MAF: variants seen among roughly 807,000 people sequenced by gnomAD.
MAF encodes MAF bZIP transcription factor.
In MAF, 10 loss-of-function variants were observed where a neutral mutation model predicts 22.0. The ratio of observed to expected loss-of-function variants is 0.45; its 90% CI spans 0.28 to 0.77. The LOEUF (loss-of-function observed/expected upper bound fraction) is 0.77, where lower values mean the gene tolerates loss of function less well. Ranked by LOEUF, MAF falls within the 30% of genes least tolerant of loss-of-function variation. The probability of loss-of-function intolerance (pLI) is 0.12; values close to 1 mark genes in which losing one functional copy is unlikely to be tolerated. For synonymous variants in MAF, 337 were observed against 255.8 expected, an observed-to-expected ratio of 1.32 and a Z score of -3.03; for missense variants, 544 against 548.4, an observed-to-expected ratio of 0.99 and a Z score of 0.08.
At chr16:79,220,901 T>G in the MAF span, among the ~76,000 whole-genome samples, 1 of 152,222 alleles carries the variant, frequency 6.6e-6, no homozygotes, top group Non-Finnish European at 1.5e-5. Flanking sequence ...CATGCAGCAC[T>G]GTTAACCTTA....
At chr16:79,498,271 T>G in the MAF span, among the ~76,000 whole-genome samples, 2 of 152,202 alleles carry the variant, frequency 1.3e-5, no homozygotes, top group African/African-American at 2.4e-5. Flanking sequence ...TTGCAACTTC[T>G]CGGCTCTGGT....
the MAF span, among the ~76,000 whole-genome samples, chr16:79,418,471 T>G: frequency 6.6e-6 from 1 of 152,066 alleles, no homozygotes; most frequent in African/African-American, 2.4e-5. Context: ...ATTTCCTAAT[T>G]AGTGCGCTGG....
At chr16:79,335,621 A>G in the MAF span, among the ~76,000 whole-genome samples, 6 of 151,940 alleles carry the variant, frequency 3.9e-5, no homozygotes, top group Non-Finnish European at 8.8e-5. Context: ...GCAGGCAGGG[A>G]CCCCCAAGGG....
the MAF span, among the ~76,000 whole-genome samples, chr16:79,495,046 C>A: frequency 9.2e-5 from 14 of 152,254 alleles, no homozygotes; most frequent in South Asian, 2.5e-3. Context: ...CGTGTCACCC[C>A]CCCAGACACC....
At chr16:79,369,174 G>A in the MAF span, among the ~76,000 whole-genome samples, 3 of 152,226 alleles carry the variant, frequency 2.0e-5, no homozygotes, top group South Asian at 2.1e-4. Flanking sequence ...AGTTAGAGAA[G>A]TTAGTTGCCC....
At chr16:79,526,102 C>T in the MAF span, among the ~76,000 whole-genome samples, 2 of 152,144 alleles carry the variant, frequency 1.3e-5, no homozygotes, top group Admixed American at 6.5e-5. Flanking sequence ...ATCTTCCTGC[C>T]TCTTGTTTCA....
At chr16:79,558,147 G>A in the MAF span, among the ~76,000 whole-genome samples, 2 of 150,822 alleles carry the variant, frequency 1.3e-5, no homozygotes, top group African/African-American at 5.0e-5. Context: ...GTGGGTCTTG[G>A]GTTTTTCCTG....
At chr16:79,379,668 C>G in the MAF span, among the ~76,000 whole-genome samples, 7 of 152,152 alleles carry the variant, frequency 4.6e-5, no homozygotes, top group African/African-American at 1.2e-4. Flanking sequence ...ATAAGTGAAA[C>G]TAAGTCATTC....
the MAF span, among the ~76,000 whole-genome samples, chr16:79,341,181 T>C: frequency 6.6e-6 from 1 of 152,194 alleles, no homozygotes; most frequent in Non-Finnish European, 1.5e-5. Context: ...GTCAACAAGA[T>C]AAGGAGTTTG....
the MAF span, among the ~76,000 whole-genome samples, chr16:79,211,368 A>G: frequency 1.3e-5 from 2 of 152,164 alleles, no homozygotes; most frequent in South Asian, 2.1e-4. Flanking sequence ...CTGTCCCTGT[A>G]TGAGGTGTCA....
the MAF span, among the ~76,000 whole-genome samples, chr16:79,419,051 T>A: frequency 8.5e-5 from 13 of 152,346 alleles, no homozygotes; most frequent in Admixed American, 4.6e-4. Context: ...TTCATAAATG[T>A]CAGCAGTGTT....
At chr16:79,236,107 GCTT>G in the MAF span, among the ~76,000 whole-genome samples, 7 of 152,048 alleles carry the variant, frequency 4.6e-5, no homozygotes, top group Non-Finnish European at 8.8e-5. Flanking sequence ...TCTGGAGTGG[GCTT>G]CCACAGCTAG....
chr16:79,249,720 T>C, the MAF span, among the ~76,000 whole-genome samples: 1 of 152,174 alleles, frequency 6.6e-6, no homozygotes, highest in Non-Finnish European at 1.5e-5. Context: ...TCTTCAGAGA[T>C]ACCCTCCCTG....
At chr16:79,310,926 G>C in the MAF span, among the ~76,000 whole-genome samples, 2 of 152,196 alleles carry the variant, frequency 1.3e-5, no homozygotes, top group Non-Finnish European at 2.9e-5. Flanking sequence ...GGTGCTGAGC[G>C]TGAGGGCTGT....
chr16:79,223,735 T>G, the MAF span, among the ~76,000 whole-genome samples: 2 of 152,186 alleles, frequency 1.3e-5, no homozygotes, highest in African/African-American at 4.8e-5. Flanking sequence ...TAAACACCTC[T>G]GTGCAAATAA....
At chr16:79,400,230 G>T in the MAF span, among the ~76,000 whole-genome samples, 1 of 152,236 alleles carries the variant, frequency 6.6e-6, no homozygotes, top group Admixed American at 6.5e-5. Context: ...GAGTGCCACA[G>T]TTGAGAGGCC....
chr16:79,468,116 C>T, the MAF span, among the ~76,000 whole-genome samples: 1 of 152,118 alleles, frequency 6.6e-6, no homozygotes, highest in Non-Finnish European at 1.5e-5. Flanking sequence ...AGACAGCAGC[C>T]ATTGGTGCCT....
At chr16:79,585,035 G>A (rs768939136), downstream of MAF, among the ~76,000 whole-genome samples, 1 of 152,112 alleles carries the variant, frequency 6.6e-6, no homozygotes, top group Non-Finnish European at 1.5e-5. Flanking sequence ...TATATTTCAT[G>A]CAAATTTCTC....
the MAF span, among the ~76,000 whole-genome samples, chr16:79,236,954 A>G: frequency 1.3e-5 from 2 of 150,684 alleles, no homozygotes; most frequent in Admixed American, 6.9e-5. Context: ...GAAAAAAAAA[A>G]AAAAACTCAA....
Sources: allele counts gnomAD v4.1 joint callset (sites outside exome capture counted in the v4.1 genomes callset), GRCh38; gene constraint gnomAD v4.1.1; transcripts MANE v1.5; gene names NCBI Gene and HGNC (gene_info 2026-07-23, HGNC 2026-07-21).